Variants in VWA5A observed in about 807,000 individuals in gnomAD.
The protein encoded by VWA5A is von Willebrand factor A domain containing 5A.
A neutral mutation model predicts 84.6 loss-of-function variants in VWA5A; 77 were observed. The ratio of observed to expected loss-of-function variants is 0.91; its 90% CI spans 0.76 to 1.10. VWA5A has a LOEUF of 1.10. Among genes scored for constraint, VWA5A ranks in the 50% least tolerant of loss-of-function variants. VWA5A has a pLI of 0.00. For synonymous variants in VWA5A, 334 were observed against 350.1 expected (o/e 0.95, Z 0.51); for missense variants, 973 against 963.0 (o/e 1.01, Z -0.14).
At chr11:124,130,090 CT>C (rs1379080497) in intron 11 of VWA5A, among the ~76,000 whole-genome samples, 3 of 152,148 alleles carry the variant, frequency 2.0e-5, no homozygotes, top group African/African-American at 7.2e-5. Context: ...GATTTTAGAT[CT>C]TTCCTGCTTT....
At chr11:124,124,125 G>A in intron 10 of VWA5A, 112 bp from the exon 11 acceptor site, 2 of 1,036,758 alleles carry the variant, frequency 1.9e-6, no homozygotes, top group South Asian at 1.4e-5. Flanking sequence ...ATGCCTCTTT[G>A]AAGAGGCACC....
Position 124,147,079 on chromosome 11 carries a change from C to T in VWA5A, c.*1134C>T, listed in dbSNP as rs1860834720. On this transcript the variant is annotated 3_prime_UTR_variant, in exon 19 of 19. Transcript: ENST00000456829. Reference sequence around the variant, plus strand: ...AGGGAAAAAAAGCTTAGCAAGAGGTCTACTCCTCCATAGATTCATTTATTG... The same window carrying T: ...AGGGAAAAAAAGCTTAGCAAGAGGTTTACTCCTCCATAGATTCATTTATTG... 6.0e-6 allele frequency: 1 copy of T among 165,554 alleles called. No individual in the cohort carries two copies. Among genetic ancestry groups the T allele is most frequent in the African/African-American group, 2.4e-5 (1 of 41,414 alleles). The allele number at this position is 165,554 out of a possible 1,614,324, so 10.3% of individuals were successfully genotyped here.
chr11:124,123,724 G>C lies in VWA5A; in HGVS notation c.1084G>C (p.Ala362Pro). 6.2e-7 allele frequency: 1 copy of C among 1,613,404 alleles called. No homozygotes were observed. The highest frequency in any genetic ancestry group is 8.5e-7 in the Non-Finnish European group (1 of 1,179,742). ...EALGRVKLMQ[A>P]DLGGTEILAP... Reference sequence around the variant, plus strand: ...TCTGGGGAGAGTGAAGCTTATGCAGGCCGACCTAGGGGGCACTGAAATCTT... The same window carrying C: ...TCTGGGGAGAGTGAAGCTTATGCAGCCCGACCTAGGGGGCACTGAAATCTT... The change falls in exon 10 of 19, where the codon GCC (alanine) becomes CCC (proline). Residue 362 changes from alanine to proline, a missense_variant. Physicochemically the swap from Ala to Pro is conservative, Grantham distance 27 (BLOSUM62 -1). Coordinates refer to ENST00000456829, the MANE Select transcript of VWA5A (RefSeq NM_001130142.2).
In VWA5A at chr11:124,123,626, C is replaced by A. The variant is rs369565026; in HGVS notation, c.1020-34C>A. On this transcript the variant is annotated intron_variant, in intron 9 of 18. Transcript: ENST00000456829. ...CTCTATACTGGGCAAGGTTAAGTAA[C>A]CCTCATGTAACTGGGTGTGTTTGTT... is the stretch of plus-strand genomic sequence containing the variant. 5.0e-6 allele frequency: 8 copies of A among 1,613,976 alleles called. No homozygotes were observed. The African/African-American group carries it at 5.3e-5, about 11-fold the overall frequency.
At chr11:124,145,160 G>T in intron 17 of VWA5A, 77 bp from the exon 18 acceptor site, 1 of 1,516,460 alleles carries the variant, frequency 6.6e-7, no homozygotes, top group Non-Finnish European at 8.9e-7. Context: ...AGGATGCTAA[G>T]TGAGGAGGGA....
intron 11 of VWA5A, among the ~76,000 whole-genome samples, chr11:124,134,560 T>C (rs535416103): frequency 6.6e-6 from 1 of 152,298 alleles, no homozygotes; most frequent in South Asian, 2.1e-4. Flanking sequence ...GTTTCTATCT[T>C]TCTGTTAGTT....
At chr11:124,126,763 A>C (rs1183390746) in intron 11 of VWA5A, among the ~76,000 whole-genome samples, 1 of 152,108 alleles carries the variant, frequency 6.6e-6, no homozygotes, top group African/African-American at 2.4e-5. Context: ...CTTCTTGAAA[A>C]AAAAAAAAGA....
rs750252875 is a variant in VWA5A at position 124,136,138 on chromosome 11, A to G, written c.1369A>G (p.Thr457Ala). ...KDRMQSKALR[T>A]LKRSLQPVVE... is the part of the protein sequence containing the mutation. Reference sequence around the variant, plus strand: ...CTCTTCCCCACATTAGGCTCTCAGGACTCTGAAACGCTCTCTGCAGCCTGT... The same window carrying G: ...CTCTTCCCCACATTAGGCTCTCAGGGCTCTGAAACGCTCTCTGCAGCCTGT... Residue 457 changes from threonine (T) to alanine (A), a missense_variant, in exon 13 of 19, where the codon ACT (threonine) becomes GCT (alanine). By Grantham distance (58) the Thr-to-Ala change is moderately conservative (BLOSUM62 0). Coordinates refer to ENST00000456829, the MANE Select transcript of VWA5A (RefSeq NM_001130142.2). 5.0e-6 allele frequency: 8 copies of G among 1,613,930 alleles called. No homozygotes were observed. In the East Asian group the frequency reaches 1.3e-4, roughly 27 times the overall value.
rs950662300 is a variant in VWA5A at position 124,142,705 on chromosome 11, G to A, written c.2154+133G>A. 2.5e-6 allele frequency: 3 copies of A among 1,213,018 alleles called. No individual in the cohort carries two copies. In the African/African-American group the frequency reaches 4.6e-5, roughly 18 times the overall value. 75.1% of individuals were successfully genotyped at this position (1,213,018 alleles called of 1,614,324 possible). A position where few individuals can be genotyped will look rare whatever the true frequency, so the allele number is the denominator to read the frequency against. On this transcript the variant is annotated intron_variant, in intron 17 of 18. Coordinates refer to ENST00000456829, the MANE Select transcript of VWA5A (RefSeq NM_001130142.2). ...AGACTAAATTAATTTGTAATAAATA[G>A]AGGCTGAAGGTTTTTCCAGTCATGT... is the stretch of plus-strand genomic sequence containing the variant.
intron 11 of VWA5A, among the ~76,000 whole-genome samples, chr11:124,127,227 T>G (rs1190398384): frequency 6.6e-6 from 1 of 151,962 alleles, no homozygotes; most frequent in African/African-American, 2.4e-5. Flanking sequence ...CCATGTGTTC[T>G]CATTGTTCAA....
rs1178775872 is a variant in VWA5A at position 124,123,714 on chromosome 11, G to A, written c.1074G>A (p.Lys358=). Residue 358 remains lysine (K), a synonymous_variant, in exon 10 of 19, where the codon AAG becomes AAA. Transcript: ENST00000456829. ...QTMEEALGRV[K]LMQADLGGTE... ...TGGAGGAGGCTCTGGGGAGAGTGAA[G>A]CTTATGCAGGCCGACCTAGGGGGCA... 6.2e-7 allele frequency: 1 copy of A among 1,613,748 alleles called. No individual in the cohort carries two copies. The highest frequency in any genetic ancestry group is 8.5e-7 in the Non-Finnish European group (1 of 1,179,888).
Position 124,122,940 on chromosome 11 carries a change from G to C in VWA5A, c.761-20G>C. The C allele has an allele frequency of 6.2e-7, 1 of 1,605,434 alleles. No individual in the cohort carries two copies. Among genetic ancestry groups the C allele is most frequent in the Admixed American group, 1.7e-5 (1 of 58,834 alleles). On this transcript the variant is annotated intron_variant, in intron 7 of 18. Transcript: ENST00000456829. ...TTGAGTTCCTTTTTGTCTTACAGTGGCTTTATCCTTTCTGAACAGGTCATT... is the reference window on the plus strand; with the variant it reads ...TTGAGTTCCTTTTTGTCTTACAGTGCCTTTATCCTTTCTGAACAGGTCATT...
intron 2 of VWA5A, among the ~76,000 whole-genome samples, chr11:124,117,055 C>T (rs1864842483): frequency 6.6e-6 from 1 of 152,176 alleles, no homozygotes; most frequent in Non-Finnish European, 1.5e-5. Flanking sequence ...TGATTAAATG[C>T]CTCCTATGGC....
chr11:124,134,785 T>C, intron 11 of VWA5A, 135 bp from the exon 12 acceptor site: 1 of 568,312 alleles, frequency 1.8e-6, no homozygotes, highest in African/African-American at 1.9e-5. Context: ...TAGAATATGC[T>C]CAGTAAATGG....
chr11:124,122,670 A>G (rs146481841), intron 7 of VWA5A, among the ~76,000 whole-genome samples: 12 of 152,312 alleles, frequency 7.9e-5, no homozygotes, highest in Non-Finnish European at 1.3e-4. Context: ...TATTTCATTC[A>G]TTTGCCTAGC....
intron 1 of VWA5A, chr11:124,116,359 C>T (rs775402287): frequency 1.3e-5 from 2 of 152,280 alleles, no homozygotes; most frequent in Admixed American, 1.3e-4. Context: ...TTTTCCTCAA[C>T]GGAGGATTTG....
chr11:124,117,834 G>A lies in VWA5A; in HGVS notation c.205G>A (p.Asp69Asn), dbSNP rs1354490243. 1.3e-5 allele frequency: 21 copies of A among 1,614,052 alleles called. No homozygotes were observed. The highest frequency in any genetic ancestry group is 1.7e-5 in the Non-Finnish European group (20 of 1,180,044). ...TGTTTACAGCTTTGAGGCCTTGGTG[G>A]ATGGGAAGAAAATTGTAGCAGAATT... ...SAVYSFEALV[D>N]GKKIVAELQD... The change falls in exon 4 of 19, where the codon GAT (aspartate) becomes AAT (asparagine). Residue 69 changes from aspartate to asparagine, a missense_variant. Physicochemically the swap from Asp to Asn is conservative, Grantham distance 23 (BLOSUM62 1). Transcript: ENST00000456829.
chr11:124,116,068 G>A (rs1864823937), intron 1 of VWA5A: 1 of 152,316 alleles, frequency 6.6e-6, no homozygotes, highest in African/African-American at 2.4e-5. Flanking sequence ...CCGCAGGGGT[G>A]TGTGTGGCCG....
chr11:124,130,039 C>T (rs894000040), intron 11 of VWA5A, among the ~76,000 whole-genome samples: 2 of 152,122 alleles, frequency 1.3e-5, no homozygotes, highest in East Asian at 3.9e-4. Flanking sequence ...TGTGTTTGCT[C>T]TTGCTTCTCT....
Sources: allele counts gnomAD v4.1 joint callset (sites outside exome capture counted in the v4.1 genomes callset), GRCh38; gene constraint gnomAD v4.1.1; transcripts MANE v1.5; gene names NCBI Gene and HGNC (gene_info 2026-07-23, HGNC 2026-07-21).